FRRS1L: variants seen among roughly 807,000 people sequenced by gnomAD.
FRRS1L encodes DOMON domain-containing protein FRRS1L.
A neutral mutation model predicts 28.6 loss-of-function variants in FRRS1L; 22 were observed. The observed-to-expected ratio is 0.77, with a 90% CI of 0.55 to 1.10. FRRS1L has a LOEUF of 1.10. Ranked by LOEUF, FRRS1L falls within the 50% of genes least tolerant of loss-of-function variation. The pLI is 0.00. For missense variants in FRRS1L, 380 were observed against 386.9 expected (o/e 0.98, Z 0.15); for synonymous variants, 158 against 151.4 (o/e 1.04, Z -0.32).
chr9:109,149,350 A>T (rs1588100121), intron 2 of FRRS1L, among the ~76,000 whole-genome samples: 1 of 152,190 alleles, frequency 6.6e-6, no homozygotes, highest in Non-Finnish European at 1.5e-5. Flanking sequence ...TCTGTGTCAC[A>T]TGAGTCTTCT....
chr9:109,165,457 C>A (rs1215721811), intron 1 of FRRS1L, among the ~76,000 whole-genome samples: 1 of 152,236 alleles, frequency 6.6e-6, no homozygotes, highest in African/African-American at 2.4e-5. Context: ...CCCTGAATGA[C>A]CTTGCGGAAC....
Position 109,130,354 on chromosome 9 carries a change from T to C in FRRS1L, c.*7101A>G, listed in dbSNP as rs1023498483. ...GAAGAATTTCAAACTATGTTGTAAT[T>C]CTTATTTTAAAGTTTAAATCTAATT... is the stretch of plus-strand genomic sequence containing the variant. On this transcript the variant is annotated 3_prime_UTR_variant, in exon 5 of 5. Coordinates refer to ENST00000561981, the MANE Select transcript of FRRS1L (RefSeq NM_014334.4). The C allele has an allele frequency of 1.3e-5, 2 of 152,262 alleles. No individual in the cohort carries two copies. Among genetic ancestry groups the C allele is most frequent in the African/African-American group, 4.8e-5 (2 of 41,474 alleles). The allele number at this position is 152,262 out of a possible 1,614,324, so 9.4% of individuals were successfully genotyped here. A position where few individuals can be genotyped will look rare whatever the true frequency, so the allele number is the denominator to read the frequency against.
chr9:109,156,341 G>C (rs1299014275), intron 1 of FRRS1L, among the ~76,000 whole-genome samples: 1 of 152,078 alleles, frequency 6.6e-6, no homozygotes, highest in Admixed American at 6.5e-5. Context: ...TTTCCACCCA[G>C]ATCTGTTATT....
Position 109,131,710 on chromosome 9 carries a change from A to G in FRRS1L, c.*5745T>C, listed in dbSNP as rs1290674801. ...GTAAGTTTGAAAACTCTTAAGTTGA[A>G]CCATCCAAATTCGGGGATCGTCTGT... On this transcript the variant is annotated 3_prime_UTR_variant, in exon 5 of 5. Coordinates refer to ENST00000561981, the MANE Select transcript of FRRS1L (RefSeq NM_014334.4). The G allele has an allele frequency of 6.6e-6, 1 of 152,252 alleles. No homozygotes were observed. The highest frequency in any genetic ancestry group is 6.5e-5 in the Admixed American group (1 of 15,286). 9.4% of individuals were successfully genotyped at this position (152,252 alleles called of 1,614,324 possible).
At chr9:109,149,595 A>T (rs2118487649) in intron 2 of FRRS1L, 41 bp downstream of exon 2, 1 of 1,304,862 alleles carries the variant, frequency 7.7e-7, no homozygotes, top group Non-Finnish European at 1.1e-6. Flanking sequence ...GAAGTAAATC[A>T]GTCTTAGCCT....
In FRRS1L at chr9:109,137,344, G is replaced by T; in HGVS notation, c.*111C>A. The T allele has an allele frequency of 1.6e-6, 1 of 631,106 alleles. No homozygotes were observed. 39.1% of individuals were successfully genotyped at this position (631,106 alleles called of 1,614,324 possible). A position where few individuals can be genotyped will look rare whatever the true frequency, so the allele number is the denominator to read the frequency against. ...CTTCCAAAAAGCTGAAATTATATGA[G>T]GTTTTTTTTCTTAAATAATTGAAGC... On this transcript the variant is annotated 3_prime_UTR_variant, in exon 5 of 5. Coordinates refer to ENST00000561981, the MANE Select transcript of FRRS1L (RefSeq NM_014334.4).
chr9:109,147,030 C>A (rs1186379022), intron 3 of FRRS1L, 21 bp downstream of exon 3: 1 of 1,610,032 alleles, frequency 6.2e-7, no homozygotes, highest in East Asian at 2.2e-5. Context: ...AAATCAGCTT[C>A]TATCATGTTT....
At chr9:109,166,400 C>G (rs368822865) in intron 1 of FRRS1L, among the ~76,000 whole-genome samples, 6 of 152,142 alleles carry the variant, frequency 3.9e-5, no homozygotes, top group African/African-American at 1.4e-4. Flanking sequence ...TGAGCAGGAA[C>G]AGAATGCTAC....
chr9:109,139,546 T>C (rs1235153931), intron 4 of FRRS1L: 7 of 152,298 alleles, frequency 4.6e-5, no homozygotes, highest in Admixed American at 1.3e-4. Flanking sequence ...ATTCAGAAAT[T>C]AAATAATAGG....
intron 1 of FRRS1L, 164 bp from the exon 2 acceptor site, chr9:109,149,884 T>C: frequency 1.6e-6 from 1 of 608,076 alleles, no homozygotes; most frequent in East Asian, 2.8e-5. Context: ...TGGGGGAGGG[T>C]GTAGGACACA....
chr9:109,135,152 C>T lies in FRRS1L; in HGVS notation c.*2303G>A, dbSNP rs942715549. The T allele has an allele frequency of 6.6e-6, 1 of 152,206 alleles. No individual in the cohort carries two copies. The highest frequency in any genetic ancestry group is 1.5e-5 in the Non-Finnish European group (1 of 68,046). 9.4% of individuals were successfully genotyped at this position (152,206 alleles called of 1,614,324 possible). A position where few individuals can be genotyped will look rare whatever the true frequency, so the allele number is the denominator to read the frequency against. The stretch of plus-strand genomic sequence containing the variant: ...AGCTCTCCCCACAGGCAGACTTTCA[C>T]CTGTGACATGAATCTGGAGGGTGGT... On this transcript the variant is annotated 3_prime_UTR_variant, in exon 5 of 5. Coordinates refer to ENST00000561981, the MANE Select transcript of FRRS1L (RefSeq NM_014334.4).
chr9:109,131,794 G>C lies in FRRS1L; in HGVS notation c.*5661C>G, dbSNP rs929036445. ...CACTAAACATAACCAATTCCGTTTAGAGAACAAGGACATACAATTATACAC... is the reference window on the plus strand; with the variant it reads ...CACTAAACATAACCAATTCCGTTTACAGAACAAGGACATACAATTATACAC... On this transcript the variant is annotated 3_prime_UTR_variant, in exon 5 of 5. Coordinates refer to ENST00000561981, the MANE Select transcript of FRRS1L (RefSeq NM_014334.4). 2.0e-5 allele frequency: 3 copies of C among 152,116 alleles called. No individual in the cohort carries two copies. Among genetic ancestry groups the C allele is most frequent in the Non-Finnish European group, 2.9e-5 (2 of 68,038 alleles). The allele number at this position is 152,116 out of a possible 1,614,324, so 9.4% of individuals were successfully genotyped here. A position where few individuals can be genotyped will look rare whatever the true frequency, so the allele number is the denominator to read the frequency against.
Position 109,166,272 on chromosome 9 carries a change from C to T in FRRS1L, c.238+629G>A, listed in dbSNP as rs76643901. The stretch of plus-strand genomic sequence containing the variant: ...CCTTGGCTGACAAACTCCCAGTCTG[C>T]GGGCCCAGCAGGCCACAACAATGGT... On this transcript the variant is annotated intron_variant, in intron 1 of 4. Transcript: ENST00000561981. Among the ~76,000 whole-genome samples the T allele has an allele frequency of 4.1e-4, 62 of 152,240 alleles. 2 individuals carry two copies. In the East Asian group the frequency reaches 0.012, roughly 29 times the overall value.
At chr9:109,145,376 C>T (rs1202492950) in intron 3 of FRRS1L, among the ~76,000 whole-genome samples, 2 of 152,098 alleles carry the variant, frequency 1.3e-5, no homozygotes, top group Admixed American at 1.3e-4. Context: ...TGATGTAATC[C>T]AACATGCCTT....
At position 109,133,460 on chromosome 9, in the gene FRRS1L, T is replaced by C. The variant is rs1831078774; in HGVS notation, c.*3995A>G. ...AAAAGGCACCTAGCTAATTGGAGTA[T>C]GGATAGTGGGTTCCATTTAATAAAA... On this transcript the variant is annotated 3_prime_UTR_variant, in exon 5 of 5. Coordinates refer to ENST00000561981, the MANE Select transcript of FRRS1L (RefSeq NM_014334.4). The C allele has an allele frequency of 1.3e-5, 2 of 152,214 alleles. No individual in the cohort carries two copies. Among genetic ancestry groups the C allele is most frequent in the Non-Finnish European group, 2.9e-5 (2 of 68,046 alleles). The allele number at this position is 152,214 out of a possible 1,614,324, so 9.4% of individuals were successfully genotyped here.
At chr9:109,149,891 C>G in intron 1 of FRRS1L, 171 bp from the exon 2 acceptor site, 1 of 599,206 alleles carries the variant, frequency 1.7e-6, no homozygotes, top group Admixed American at 2.9e-5. Context: ...GGGTGTAGGA[C>G]ACACACCTTT....
rs529358096 is a variant in FRRS1L at position 109,130,679 on chromosome 9, G to T, written c.*6776C>A. ...AGTTTTTACAAAATAGTATTTTGTA[G>T]ACAGTCTCAAAAAAGTATATTAATA... On this transcript the variant is annotated 3_prime_UTR_variant, in exon 5 of 5. Transcript: ENST00000561981. The T allele has an allele frequency of 6.6e-6, 1 of 152,236 alleles. No homozygotes were observed. The highest frequency in any genetic ancestry group is 1.5e-5 in the Non-Finnish European group (1 of 68,014). The allele number at this position is 152,236 out of a possible 1,614,324, so 9.4% of individuals were successfully genotyped here.
chr9:109,154,787 G>A (rs565517617), intron 1 of FRRS1L, among the ~76,000 whole-genome samples: 25 of 152,180 alleles, frequency 1.6e-4, no homozygotes, highest in African/African-American at 5.1e-4. Flanking sequence ...TGACACATAC[G>A]TCTTAGAAAA....
At chr9:109,158,274 T>C (rs1831435184) in intron 1 of FRRS1L, among the ~76,000 whole-genome samples, 2 of 152,240 alleles carry the variant, frequency 1.3e-5, no homozygotes, top group African/African-American at 2.4e-5. Flanking sequence ...AATTTTCGAG[T>C]GTATTGGCAT....
Sources: allele counts gnomAD v4.1 joint callset (sites outside exome capture counted in the v4.1 genomes callset), GRCh38; gene constraint gnomAD v4.1.1; transcripts MANE v1.5; gene names NCBI Gene and HGNC (gene_info 2026-07-23, HGNC 2026-07-21).